The following MXRA5 variants were observed in gnomAD, a reference collection of about 807,000 sequenced individuals.
MXRA5 encodes matrix-remodeling-associated protein 5.
MXRA5 carries 41 observed loss-of-function variants against 112.5 expected under a neutral mutation model. The ratio of observed to expected loss-of-function variants is 0.36; its 90% CI spans 0.28 to 0.47. The LOEUF is 0.47. Among genes scored for constraint, MXRA5 ranks in the 20% least tolerant of loss-of-function variants. MXRA5 has a pLI of 0.99. For missense variants in MXRA5, 2,150 were observed against 2,251.0 expected (o/e 0.96, Z 0.91); for synonymous variants, 862 against 900.8 (o/e 0.96, Z 0.77).
chrX:3,338,465 A>AGACAGATG lies in MXRA5; in HGVS notation c.188+5173_188+5180dup, dbSNP rs779954493. On this transcript the variant is annotated intron_variant, in intron 2 of 6. Coordinates refer to ENST00000217939, the MANE Select transcript of MXRA5 (RefSeq NM_015419.4). ...ATAGATAGATAGATAATATATAGCT[A>AGACAGATG]GACAGATGATAAAGATAGATGACAG... 5.6e-4 allele frequency among the ~76,000 whole-genome samples: 62 copies of AGACAGATG among 111,709 alleles called. No individual in the cohort carries two copies. In the Admixed American group the frequency reaches 5.9e-3, roughly 11 times the overall value.
At position 3,321,196 on chromosome X, in the gene MXRA5, A is replaced by T. The variant is rs774408384; in HGVS notation, c.4489T>A (p.Ser1497Thr). 5.0e-6 allele frequency: 6 copies of T among 1,211,387 alleles called. No homozygotes were observed. The highest frequency in any genetic ancestry group is 6.7e-6 in the Non-Finnish European group (6 of 895,235). The change falls in exon 5 of 7, where the codon TCC becomes ACC. Residue 1497 changes from serine (S) to threonine (T), a missense_variant. Around this residue, in one of 6 missense-constraint regions of MXRA5, gnomAD observed 1,485 missense variants for 1,471.6 expected, o/e 1.01. Coordinates refer to ENST00000217939, the MANE Select transcript of MXRA5 (RefSeq NM_015419.4). ...TGTCCCAAAGACATGAGAATTGTGG[A>T]TGGGGACGAGGATGCTGGCTCCTTC... ...RMKEPASSSPSTILMSLGQTT... is the reference protein window; with the variant it reads ...RMKEPASSSPTTILMSLGQTT...
chrX:3,316,497 T>TTAATAATAATAGTAA (rs1555943623), intron 6 of MXRA5, among the ~76,000 whole-genome samples: 1 of 85,079 alleles, frequency 1.2e-5, no homozygotes, highest in African/African-American at 4.5e-5. Flanking sequence ...CTACAAAAAG[T>TTAATAATAATAGTAA]TAATAATAAT....
Position 3,323,314 on chromosome X carries a change from G to A in MXRA5, c.2371C>T (p.Arg791Cys), listed in dbSNP as rs756893962. ...GTGCCCTTAGGGAGATTTTTCCCAC[G>A]GACTTTGGCTAAAATATCAGCCCAG... The part of the protein sequence containing the change: ...ERWADILAKV[R>C]GKNLPKGTEV... The change falls in exon 5 of 7, where the codon CGT becomes TGT. Residue 791 changes from arginine (R) to cysteine (C), a missense_variant. Around this residue, in one of 6 missense-constraint regions of MXRA5, gnomAD observed 1,485 missense variants for 1,471.6 expected, o/e 1.01. Transcript: ENST00000217939. 7 of 1,211,593 alleles carry A rather than the reference G, an allele frequency of 5.8e-6. No homozygotes were observed. Among genetic ancestry groups the A allele is most frequent in the South Asian group, 1.8e-5 (1 of 56,963 alleles).
chrX:3,311,431 C>G lies in MXRA5; in HGVS notation c.6772G>C (p.Gly2258Arg). The G allele has an allele frequency of 8.3e-7, 1 of 1,211,760 alleles. No homozygotes were observed. The highest frequency in any genetic ancestry group is 1.1e-6 in the Non-Finnish European group (1 of 895,590). Residue 2258 changes from glycine to arginine, a missense_variant, in exon 7 of 7, where the codon GGG becomes CGG. Physicochemically the swap from Gly to Arg is moderately radical, Grantham distance 125 (BLOSUM62 -2). Around this residue, in one of 6 missense-constraint regions of MXRA5, gnomAD observed 1,485 missense variants for 1,471.6 expected, o/e 1.01. Coordinates refer to ENST00000217939, the MANE Select transcript of MXRA5 (RefSeq NM_015419.4). Reference protein sequence around the residue: ...KEENDHKVFYGGDLKVDCVAT... With the variant: ...KEENDHKVFYRGDLKVDCVAT... ...ACACAGTCCACTTTCAGGTCACCCC[C>G]GTAGAAGACTTTGTGGTCGTTCTCC...
chrX:3,341,103 A>ATT (rs1569188364), intron 2 of MXRA5, among the ~76,000 whole-genome samples: 107 of 9,391 alleles, frequency 0.011, no homozygotes, highest in African/African-American at 0.02. Context: ...TGTTATACAT[A>ATT]ATATAATATA....
intron 6 of MXRA5, among the ~76,000 whole-genome samples, chrX:3,316,624 G>A (rs756987606): frequency 3.7e-5 from 4 of 107,199 alleles, no homozygotes; most frequent in South Asian, 4.5e-4. Flanking sequence ...AGCTATGATC[G>A]CACCACTGCA....
In MXRA5 at chrX:3,320,412, A is replaced by C. The variant is rs1332433680; in HGVS notation, c.5273T>G (p.Val1758Gly). ...TGGAATAACTTTTCTCTCTCTCATT[A>C]CTGGGGCAGGAGAAGTGGGTATCTG... ...RPQIPTSPAP[V>G]MRERKVIPGS... The change falls in exon 5 of 7, where the codon GTA (valine) becomes GGA (glycine). Residue 1758 changes from valine to glycine, a missense_variant. Physicochemically the swap from Val to Gly is moderately radical, Grantham distance 109 (BLOSUM62 -3). Coordinates refer to ENST00000217939, the MANE Select transcript of MXRA5 (RefSeq NM_015419.4). 4 of 1,211,735 alleles carry C rather than the reference A, an allele frequency of 3.3e-6. No individual in the cohort carries two copies.
rs771909143 is a variant in MXRA5, at chrX:3,343,625, C to G, written c.188+21G>C. The G allele has an allele frequency of 2.1e-5, 25 of 1,198,112 alleles. No individual in the cohort carries two copies. The Middle Eastern group carries it at 9.4e-4, about 45-fold the overall frequency. ...CGCACGCACTGACAGTGGGAAGGTT[C>G]GGGAAGAAAGTGGTACAAACCCCAA... is the stretch of plus-strand genomic sequence containing the variant. On this transcript the variant is annotated intron_variant, in intron 2 of 6. Coordinates refer to ENST00000217939, the MANE Select transcript of MXRA5 (RefSeq NM_015419.4).
intron 1 of MXRA5, among the ~76,000 whole-genome samples, chrX:3,345,709 C>T (rs1247396350): frequency 8.8e-6 from 1 of 113,036 alleles, no homozygotes; most frequent in Admixed American, 9.3e-5. Context: ...GGGGTGGGGG[C>T]GTGAGGCCGT....
chrX:3,310,216 C>T lies in MXRA5; in HGVS notation c.7987G>A (p.Gly2663Arg), dbSNP rs143264543. 1.1e-5 allele frequency: 13 copies of T among 1,209,929 alleles called. No individual in the cohort carries two copies. The highest frequency in any genetic ancestry group is 7.0e-5 in the African/African-American group (4 of 57,127). The change falls in exon 7 of 7, where the codon GGG becomes AGG. Residue 2663 changes from glycine to arginine, a missense_variant. Coordinates refer to ENST00000217939, the MANE Select transcript of MXRA5 (RefSeq NM_015419.4). ...CAGGAGAAACGTCCCTGCCCAGCCCCGGGAGGGGTGCAGGGGAGCTTCAGG... is the reference window on the plus strand; with the variant it reads ...CAGGAGAAACGTCCCTGCCCAGCCCTGGGAGGGGTGCAGGGGAGCTTCAGG... ...ETLKLPCTPP[G>R]AGQGRFSWTL...
chrX:3,329,773 A>G (rs1171553962), intron 4 of MXRA5, among the ~76,000 whole-genome samples: 1 of 111,848 alleles, frequency 8.9e-6, no homozygotes, highest in African/African-American at 3.2e-5. Context: ...CCTGTATGTA[A>G]CTGATTACAT....
rs771962501 is a variant in MXRA5, at chrX:3,331,497, G to A, written c.189-724C>T. 1.3e-3 allele frequency among the ~76,000 whole-genome samples: 148 copies of A among 111,567 alleles called. 1 individual carries two copies. The highest frequency in any genetic ancestry group is 4.6e-3 in the African/African-American group (142 of 30,685). ...AGAGGGACACGTGGCTAGCAGGGCC[G>A]GGAAAATCCACGGCATTGGAATTTG... On this transcript the variant is annotated intron_variant, in intron 2 of 6. Transcript: ENST00000217939.
chrX:3,317,158 A>C lies in MXRA5; in HGVS notation c.6523T>G (p.Trp2175Gly), dbSNP rs1921159836. 1 of 1,201,100 alleles carries C rather than the reference A, an allele frequency of 8.3e-7. No individual in the cohort carries two copies. The highest frequency in any genetic ancestry group is 1.1e-6 in the Non-Finnish European group (1 of 890,699). The change falls in exon 6 of 7, where the codon TGG becomes GGG. Residue 2175 changes from tryptophan to glycine, a missense_variant. This residue lies in a region of MXRA5 where 1,485 missense variants were observed against 1,471.6 expected (regional missense o/e 1.01). Coordinates refer to ENST00000217939, the MANE Select transcript of MXRA5 (RefSeq NM_015419.4). Reference sequence around the variant, plus strand: ...GGCAGCCTCCAGAGGATGCGCGGCCAGGGGTCCCCCGAGGCGCTGCAGTCC... The same window carrying C: ...GGCAGCCTCCAGAGGATGCGCGGCCCGGGGTCCCCCGAGGCGCTGCAGTCC... ...KLDCSASGDP[W>G]PRILWRLPSK...
At position 3,320,027 on chromosome X, in the gene MXRA5, A is replaced by G; in HGVS notation, c.5658T>C (p.Thr1886=). Residue 1886 remains threonine, a synonymous_variant, in exon 5 of 7, where the codon ACT becomes ACC. Transcript: ENST00000217939. The part of the protein sequence containing the change: ...EATGKPKPFV[T]WTKVSTGALM... ...TCTTACCTGTGGAAACCTTTGTCCA[A>G]GTAACGAAAGGCTTTGGTTTTCCTG... The G allele has an allele frequency of 8.3e-7, 1 of 1,200,375 alleles. No homozygotes were observed. Among genetic ancestry groups the G allele is most frequent in the East Asian group, 3.0e-5 (1 of 33,722 alleles).
Position 3,311,305 on chromosome X carries a change from G to A in MXRA5, c.6898C>T (p.Arg2300Cys), listed in dbSNP as rs761832723. 1.2e-5 allele frequency: 14 copies of A among 1,209,838 alleles called. No homozygotes were observed. In the South Asian group the frequency reaches 1.2e-4, roughly 11 times the overall value. The change falls in exon 7 of 7, where the codon CGC becomes TGC. Residue 2300 changes from arginine to cysteine, a missense_variant. Coordinates refer to ENST00000217939, the MANE Select transcript of MXRA5 (RefSeq NM_015419.4). ...GTCCCATTGTTGAAGACGACATAGCGCTTGGTGCGTCCACCGCTGTCATCC... is the reference window on the plus strand; with the variant it reads ...GTCCCATTGTTGAAGACGACATAGCACTTGGTGCGTCCACCGCTGTCATCC... ...QSDDSGGRTK[R>C]YVVFNNGTLY...
Position 3,317,859 on chromosome X carries a change from A to G in MXRA5, c.5822T>C (p.Val1941Ala). 8.3e-7 allele frequency: 1 copy of G among 1,211,600 alleles called. No individual in the cohort carries two copies. The highest frequency in any genetic ancestry group is 1.1e-6 in the Non-Finnish European group (1 of 895,498). ...TTGCTGCACGGTGACCGAAAGCAAGACCACCATCCTGTCCAGGCCGTGCAG... is the reference window on the plus strand; with the variant it reads ...TTGCTGCACGGTGACCGAAAGCAAGGCCACCATCCTGTCCAGGCCGTGCAG... ...SNLHGLDRMVVLLSVTVQQPQ... is the reference protein window; with the variant it reads ...SNLHGLDRMVALLSVTVQQPQ... The change falls in exon 6 of 7, where the codon GTC (valine) becomes GCC (alanine). Residue 1941 changes from valine to alanine, a missense_variant. This residue lies in a region of MXRA5 where 1,485 missense variants were observed against 1,471.6 expected (regional missense o/e 1.01). Coordinates refer to ENST00000217939, the MANE Select transcript of MXRA5 (RefSeq NM_015419.4).
chrX:3,326,115 TTA>T (rs1175133842), intron 4 of MXRA5, among the ~76,000 whole-genome samples: 14 of 58,396 alleles, frequency 2.4e-4, no homozygotes, highest in Middle Eastern at 0.032. Context: ...ATAAATACAT[TTA>T]TATATATTTA....
In MXRA5 at chrX:3,325,072, C is replaced by T. The variant is rs1020039654; in HGVS notation, c.710-97G>A. 11 of 971,175 alleles carry T rather than the reference C, an allele frequency of 1.1e-5. No homozygotes were observed. The African/African-American group carries it at 1.8e-4, about 16-fold the overall frequency. The allele number at this position is 971,175 out of a possible 1,213,427, so 80.0% of individuals were successfully genotyped here. On this transcript the variant is annotated intron_variant, in intron 4 of 6. Coordinates refer to ENST00000217939, the MANE Select transcript of MXRA5 (RefSeq NM_015419.4). ...ATAAAGCCTATGTTTGCATCTTTAT[C>T]ACCCAGCTGTAATCCCATAAACAAG...
In MXRA5 at chrX:3,311,620, C is replaced by G. The variant is rs1409086872; in HGVS notation, c.6583G>C (p.Asp2195His). ...TTGGCAAACACCTTGATTCTGCTATCAAAACTACAGAAAAAAAGAAAAAGG... is the reference window on the plus strand; with the variant it reads ...TTGGCAAACACCTTGATTCTGCTATGAAAACTACAGAAAAAAAGAAAAAGG... ...KRMIDALFSF[D>H]SRIKVFANGT... Residue 2195 changes from aspartate to histidine, a missense_variant, in exon 7 of 7, where the codon GAT (aspartate) becomes CAT (histidine). By Grantham distance (81) the Asp-to-His change is moderately conservative. This residue lies in a region of MXRA5 where 1,485 missense variants were observed against 1,471.6 expected (regional missense o/e 1.01). Coordinates refer to ENST00000217939, the MANE Select transcript of MXRA5 (RefSeq NM_015419.4). 1.7e-6 allele frequency: 2 copies of G among 1,202,525 alleles called. No individual in the cohort carries two copies. The highest frequency in any genetic ancestry group is 2.2e-6 in the Non-Finnish European group (2 of 889,345).
Sources: allele counts gnomAD v4.1 joint callset (sites outside exome capture counted in the v4.1 genomes callset), GRCh38; gene constraint gnomAD v4.1.1; regional missense constraint gnomAD v4.1.1; transcripts MANE v1.5; gene names NCBI Gene and HGNC (gene_info 2026-07-23, HGNC 2026-07-21).